PIK3CA: variants seen among roughly 807,000 people sequenced by gnomAD.
PIK3CA encodes phosphatidylinositol-4,5-bisphosphate 3-kinase catalytic subunit alpha, also known as phosphatidylinositol 4,5-bisphosphate 3-kinase catalytic subunit alpha isoform.
A neutral mutation model predicts 138.2 loss-of-function variants in PIK3CA; 27 were observed. The ratio of observed to expected loss-of-function variants is 0.20; its 90% confidence interval spans 0.14 to 0.27. The LOEUF is 0.27. PIK3CA is among the 10% of genes least tolerant of loss of function. The pLI is 1.00. For synonymous variants in PIK3CA, 358 were observed against 413.2 expected, an observed-to-expected ratio of 0.87 and a Z score of 1.62; for missense variants, 544 against 1,277.4, an observed-to-expected ratio of 0.43 and a Z score of 8.75.
At chr3:179,177,897 A>G (rs1387194205) in intron 1 of PIK3CA, among the ~76,000 whole-genome samples, 1 of 152,084 alleles carries the variant, frequency 6.6e-6, no homozygotes, top group Non-Finnish European at 1.5e-5. Flanking sequence ...AAAAAAACAG[A>G]AATTCCCAGC....
rs999899243 is a variant in PIK3CA, at chr3:179,230,626, G to A, written c.2936+250G>A. 1.3e-5 allele frequency among the ~76,000 whole-genome samples: 2 copies of A among 151,998 alleles called. No individual in the cohort carries two copies. Among genetic ancestry groups the A allele is most frequent in the Non-Finnish European group, 2.9e-5 (2 of 67,988 alleles). On this transcript the variant is annotated intron_variant, in intron 20 of 20. Transcript: ENST00000263967. This position sits in a 1 kb window ranked among gnomAD's most constrained non-coding sequence, Gnocchi z 5.4. ...AAAAAGTAGCCAGGCGTGGTGGCAT[G>A]CACTGTAGTCCCAGCTACTCAGGAG...
intron 1 of PIK3CA, among the ~76,000 whole-genome samples, chr3:179,176,784 TG>T (rs934738136): frequency 4.4e-4 from 67 of 152,328 alleles, no homozygotes; most frequent in African/African-American, 1.6e-3. Flanking sequence ...GAATATTGTT[TG>T]GCTTACTTTT....
At chr3:179,174,537 G>A (rs535380936) in intron 1 of PIK3CA, among the ~76,000 whole-genome samples, 1 of 151,998 alleles carries the variant, frequency 6.6e-6, no homozygotes, top group Non-Finnish European at 1.5e-5. Context: ...TCACAACTTT[G>A]TCTTGTCTCA....
intron 20 of PIK3CA, among the ~76,000 whole-genome samples, chr3:179,232,716 A>AT (rs34430291): frequency 7.9e-5 from 12 of 151,900 alleles, no homozygotes; most frequent in Admixed American, 2.6e-4. Flanking sequence ...ATTCCTAGGT[A>AT]TTTTTTTGAA....
At position 179,191,916 on chromosome 3, in the gene PIK3CA, G is replaced by A. The variant is rs181174118; in HGVS notation, c.-76-6834G>A. 1.3e-3 allele frequency among the ~76,000 whole-genome samples: 191 copies of A among 152,248 alleles called. 1 individual carries two copies. The highest frequency in any genetic ancestry group is 4.3e-3 in the African/African-American group (178 of 41,538). On this transcript the variant is annotated intron_variant, in intron 1 of 20. Transcript: ENST00000263967. ...GCCTCCCAAAGTGCTAGGATTACAGGCATGAGCCACCACGCCTGGCCTAAA... is the reference window on the plus strand; with the variant it reads ...GCCTCCCAAAGTGCTAGGATTACAGACATGAGCCACCACGCCTGGCCTAAA...
rs2108394339 is a variant in PIK3CA, at chr3:179,204,526, C to T, written c.1083C>T (p.Tyr361=). ...IDKIYVRTGI[Y]HGGEPLCDNV... ...AGATCTATGTTCGAACAGGTATCTACCATGGAGGAGAACCCTTATGTGACA... is the reference window on the plus strand; with the variant it reads ...AGATCTATGTTCGAACAGGTATCTATCATGGAGGAGAACCCTTATGTGACA... The change falls in exon 6 of 21, where the codon TAC becomes TAT. Residue 361 remains tyrosine (Y), a synonymous_variant. Coordinates refer to ENST00000263967, the MANE Select transcript of PIK3CA (RefSeq NM_006218.4). 1 of 1,584,414 alleles carries T rather than the reference C, an allele frequency of 6.3e-7. No individual in the cohort carries two copies. The highest frequency in any genetic ancestry group is 8.7e-7 in the Non-Finnish European group (1 of 1,153,442).
At chr3:179,231,985 G>T (rs1433887590) in intron 20 of PIK3CA, among the ~76,000 whole-genome samples, 2 of 151,948 alleles carry the variant, frequency 1.3e-5, no homozygotes, top group Admixed American at 1.3e-4. Context: ...TTGCTGATTT[G>T]AGTTCCTTAT....
At chr3:179,208,589 T>C (rs182286544) in intron 6 of PIK3CA, among the ~76,000 whole-genome samples, 1 of 152,314 alleles carries the variant, frequency 6.6e-6, no homozygotes, top group Admixed American at 6.5e-5. Context: ...TATCCATTGT[T>C]ATAATGTTTT....
chr3:179,218,401 TG>T (rs1724891287), intron 10 of PIK3CA, 67 bp downstream of exon 10: 1 of 1,364,884 alleles, frequency 7.3e-7, no homozygotes, highest in African/African-American at 1.4e-5. Flanking sequence ...TGAATTTGGC[TG>T]ATCTCAGCAT....
intron 17 of PIK3CA, among the ~76,000 whole-genome samples, chr3:179,229,062 G>T (rs958561177): frequency 1.3e-5 from 2 of 152,004 alleles, no homozygotes; most frequent in African/African-American, 4.8e-5. Context: ...TTTCTCAGTT[G>T]AAGGTTATAA....
In PIK3CA at chr3:179,221,642, C is replaced by CTAGTCA. The variant is rs796088971; in HGVS notation, c.2187+487_2187+492dup. Among the ~76,000 whole-genome samples the CTAGTCA allele has an allele frequency of 8.1e-5, 12 of 148,506 alleles. No individual in the cohort carries two copies. The East Asian group carries it at 2.4e-3, about 29-fold the overall frequency. On this transcript the variant is annotated intron_variant, in intron 14 of 20. Coordinates refer to ENST00000263967, the MANE Select transcript of PIK3CA (RefSeq NM_006218.4). ...AGTCACTCAGTAAATATATCACACT[C>CTAGTCA]TAGTCATCTGCTGTCTAGCTTAGTA...
At chr3:179,227,632 G>C (rs780109304) in intron 17 of PIK3CA, among the ~76,000 whole-genome samples, 1 of 151,984 alleles carries the variant, frequency 6.6e-6, no homozygotes, top group Non-Finnish European at 1.5e-5. Context: ...TAGAAGCTAG[G>C]CTACAAGGAA....
At position 179,230,037 on chromosome 3, in the gene PIK3CA, A is replaced by G; in HGVS notation, c.2700A>G (p.Ser900=). 2 of 1,613,306 alleles carry G rather than the reference A, an allele frequency of 1.2e-6. No homozygotes were observed. The highest frequency in any genetic ancestry group is 1.7e-5 in the Admixed American group (1 of 59,968). ...YDAAIDLFTR[S]CAGYCVATFI... ...CAGCCATTGACCTGTTTACACGTTC[A>G]TGTGCTGGATACTGTGTAGCTACCT... The change falls in exon 19 of 21, where the codon TCA becomes TCG. Residue 900 remains serine, a synonymous_variant. Coordinates refer to ENST00000263967, the MANE Select transcript of PIK3CA (RefSeq NM_006218.4). The surrounding 1 kb of genome is among the most constrained non-coding windows in gnomAD (Gnocchi z 5.4).
Position 179,229,431 on chromosome 3 carries a change from C to G in PIK3CA, c.2655C>G (p.Asn885Lys), listed in dbSNP as rs1347509342. Residue 885 changes from asparagine (N) to lysine (K), a missense_variant, in exon 18 of 21, where the codon AAC becomes AAG. Physicochemically the swap from Asn to Lys is moderately conservative, Grantham distance 94. Transcript: ENST00000263967. ...HTLHQWLKDK[N>K]KGEIYDAAID... Reference sequence around the variant, plus strand: ...TACATCAGTGGCTCAAAGACAAGAACAAAGGAGAAATGTGAGTTGTATTAT... The same window carrying G: ...TACATCAGTGGCTCAAAGACAAGAAGAAAGGAGAAATGTGAGTTGTATTAT... 6.2e-7 allele frequency: 1 copy of G among 1,610,172 alleles called. No individual in the cohort carries two copies. Among genetic ancestry groups the G allele is most frequent in the Non-Finnish European group, 8.5e-7 (1 of 1,178,586 alleles).
chr3:179,236,100 T>G lies in PIK3CA; in HGVS notation c.*1736T>G, dbSNP rs959378788. Reference sequence around the variant, plus strand: ...ACAGCATCACTTTAAAAATATTCATTTATGAAATCTGTTACCTATAGTTGA... The same window carrying G: ...ACAGCATCACTTTAAAAATATTCATGTATGAAATCTGTTACCTATAGTTGA... On this transcript the variant is annotated 3_prime_UTR_variant, in exon 21 of 21. Transcript: ENST00000263967. 9.7e-6 allele frequency: 2 copies of G among 205,310 alleles called. No individual in the cohort carries two copies. The highest frequency in any genetic ancestry group is 2.0e-5 in the Non-Finnish European group (2 of 100,430). The allele number at this position is 205,310 out of a possible 1,614,324, so 12.7% of individuals were successfully genotyped here. A position where few individuals can be genotyped will look rare whatever the true frequency, so the allele number is the denominator to read the frequency against.
chr3:179,152,653 C>T (rs1350477077), intron 1 of PIK3CA, among the ~76,000 whole-genome samples: 1 of 152,128 alleles, frequency 6.6e-6, no homozygotes, highest in Non-Finnish European at 1.5e-5. Context: ...TTTCCTTTCT[C>T]CTTAGGAAGT....
intron 1 of PIK3CA, among the ~76,000 whole-genome samples, chr3:179,198,507 T>C (rs1407417163): frequency 1.3e-5 from 2 of 152,320 alleles, no homozygotes; most frequent in Admixed American, 1.3e-4. Flanking sequence ...AATATAGTGT[T>C]TTCTTAAATG....
chr3:179,200,046 G>C, intron 3 of PIK3CA, 147 bp downstream of exon 3: 2 of 502,388 alleles, frequency 4.0e-6, no homozygotes, highest in South Asian at 3.9e-5. Flanking sequence ...AGATATAGTT[G>C]AGTGCTAAAT....
intron 1 of PIK3CA, among the ~76,000 whole-genome samples, chr3:179,170,066 A>ACG (rs574634103): frequency 0.073 from 7,809 of 107,548 alleles, 224 homozygotes; most frequent in African/African-American, 0.095. Context: ...GCGCGTGCAC[A>ACG]CGCGCGCGCG....
Sources: gnomAD v4.1 joint callset for allele counts (sites outside exome capture counted in the v4.1 genomes callset) on GRCh38, gnomAD v4.1.1 for gene constraint, Gnocchi (gnomAD v3.1) non-coding constraint, MANE v1.5 for transcripts, NCBI Gene and HGNC (gene_info 2026-07-23, HGNC 2026-07-21) for gene names.